Variants in WWC1 observed in about 807,000 individuals in gnomAD.
WWC1 encodes the protein WW and C2 domain containing 1.
In WWC1, 55 loss-of-function variants were observed where a neutral mutation model predicts 138.4. The observed-to-expected ratio is 0.40, with a 90% confidence interval of 0.32 to 0.50. The LOEUF is 0.50. WWC1 is among the 20% of genes least tolerant of loss of function. The probability of loss-of-function intolerance (pLI) is 0.72; values close to 1 mark genes in which losing one functional copy is unlikely to be tolerated. For synonymous variants in WWC1, 524 were observed against 564.9 expected (o/e 0.93, Z 1.03); for missense variants, 1,226 against 1,420.4 (o/e 0.86, Z 2.20).
intron 11 of WWC1, among the ~76,000 whole-genome samples, chr5:168,424,669 G>A (rs1781369743): frequency 6.6e-6 from 1 of 152,194 alleles, no homozygotes; most frequent in Non-Finnish European, 1.5e-5. Flanking sequence ...CAAGGGACTA[G>A]AAGGGGAGCC....
chr5:168,425,959 A>G (rs1781470484), intron 11 of WWC1, among the ~76,000 whole-genome samples: 1 of 152,160 alleles, frequency 6.6e-6, no homozygotes, highest in South Asian at 2.1e-4. Context: ...TCTGTCTACA[A>G]AAAGCTGGTG....
chr5:168,443,689 C>T (rs1409559008), intron 16 of WWC1, among the ~76,000 whole-genome samples: 1 of 152,188 alleles, frequency 6.6e-6, no homozygotes, highest in African/African-American at 2.4e-5. Context: ...TTCACAGTGC[C>T]TGCTATATAC....
intron 17 of WWC1, 87 bp from the exon 18 acceptor site, chr5:168,453,881 G>T: frequency 6.3e-7 from 1 of 1,577,416 alleles, no homozygotes. Flanking sequence ...CAAAAGGATT[G>T]GAAGCCCTAC....
intron 1 of WWC1, among the ~76,000 whole-genome samples, chr5:168,339,872 T>C (rs1449971061): frequency 7.2e-6 from 1 of 139,596 alleles, no homozygotes; most frequent in Non-Finnish European, 1.5e-5. Flanking sequence ...TCTCTCTCTC[T>C]CTCCCTCTCT....
chr5:168,459,030 G>T (rs1245656063), intron 19 of WWC1, among the ~76,000 whole-genome samples: 1 of 151,958 alleles, frequency 6.6e-6, no homozygotes, highest in Admixed American at 6.6e-5. Context: ...GAGATGGGAG[G>T]ATCACTTGAG....
At chr5:168,449,444 G>A (rs1488310585) in intron 17 of WWC1, among the ~76,000 whole-genome samples, 3 of 152,158 alleles carry the variant, frequency 2.0e-5, no homozygotes, top group African/African-American at 7.2e-5. Context: ...ATCTCTTTGA[G>A]CACTGTTGTG....
chr5:168,320,695 T>A (rs1040222917), intron 1 of WWC1, among the ~76,000 whole-genome samples: 1 of 152,182 alleles, frequency 6.6e-6, no homozygotes, highest in African/African-American at 2.4e-5. Flanking sequence ...CTTTCTTCTC[T>A]GCTGAGGCTT....
At chr5:168,468,441 G>A (rs1757478015) in intron 22 of WWC1, among the ~76,000 whole-genome samples, 1 of 151,908 alleles carries the variant, frequency 6.6e-6, no homozygotes, top group South Asian at 2.1e-4. Flanking sequence ...AGAGGCCCTA[G>A]CGTTTAGACT....
intron 1 of WWC1, among the ~76,000 whole-genome samples, chr5:168,363,976 A>C (rs1232131354): frequency 6.6e-6 from 1 of 152,084 alleles, no homozygotes; most frequent in East Asian, 1.9e-4. Context: ...TAAGGATTTG[A>C]GATAAAGGGT....
In WWC1 at chr5:168,298,845, A is replaced by T. The variant is rs547177877; in HGVS notation, c.119+6574A>T. Among the ~76,000 whole-genome samples the T allele has an allele frequency of 2.3e-4, 35 of 152,244 alleles. No homozygotes were observed. The South Asian group carries it at 6.9e-3, about 30-fold the overall frequency. On this transcript the variant is annotated intron_variant, in intron 1 of 22. Coordinates refer to ENST00000265293, the MANE Select transcript of WWC1 (RefSeq NM_015238.3). ...ACTCCTGTAATTTCAGCACTTTGGG[A>T]GGTCGAGGTGGGTGGATCACCTGAG... is the stretch of plus-strand genomic sequence containing the variant.
chr5:168,428,562 A>T (rs922519024), intron 12 of WWC1, 145 bp from the exon 13 acceptor site: 31 of 656,136 alleles, frequency 4.7e-5, no homozygotes, highest in Non-Finnish European at 6.5e-5. Context: ...TCTAAAAAAA[A>T]TTTTTTTTAA....
At chr5:168,315,836 G>A (rs578126619) in intron 1 of WWC1, among the ~76,000 whole-genome samples, 1 of 152,300 alleles carries the variant, frequency 6.6e-6, no homozygotes, top group South Asian at 2.1e-4. Flanking sequence ...TCTGGGGCCA[G>A]AGGGCGAGCA....
rs200618763 is a variant in WWC1 at position 168,468,963 on chromosome 5, A to G, written c.3288A>G (p.Ala1096=). 4.0e-5 allele frequency: 64 copies of G among 1,614,198 alleles called. No homozygotes were observed. The East Asian group carries it at 1.4e-3, about 35-fold the overall frequency. The stretch of plus-strand genomic sequence containing the variant: ...GCCTCTCTTATAGGGAGAAGATGGC[A>G]TTTTTCACCCGGCCTCGGATGAATA... The part of the protein sequence containing the change: ...PEVQSFREKM[A]FFTRPRMNIP... Residue 1096 remains alanine (A), a synonymous_variant, in exon 23 of 23, where the codon GCA becomes GCG. Coordinates refer to ENST00000265293, the MANE Select transcript of WWC1 (RefSeq NM_015238.3).
chr5:168,423,667 T>C lies in WWC1; in HGVS notation c.1409T>C (p.Phe470Ser). The change falls in exon 11 of 23, where the codon TTT becomes TCT. Residue 470 changes from phenylalanine (F) to serine (S), a missense_variant. Physicochemically the swap from Phe to Ser is radical, Grantham distance 155. Coordinates refer to ENST00000265293, the MANE Select transcript of WWC1 (RefSeq NM_015238.3). ...TTCACTGACCTCTACTATGACCCCT[T>C]TGAGCAGCTGGACTCAGAGCTGCAG... is the stretch of plus-strand genomic sequence containing the variant. Reference protein sequence around the residue: ...ASFTDLYYDPFEQLDSELQSK... With the variant: ...ASFTDLYYDPSEQLDSELQSK... The C allele has an allele frequency of 1.9e-6, 3 of 1,614,168 alleles. No homozygotes were observed. The highest frequency in any genetic ancestry group is 2.5e-6 in the Non-Finnish European group (3 of 1,180,022).
Position 168,363,524 on chromosome 5 carries a change from C to CAAAAA in WWC1, c.120-7881_120-7877dup, listed in dbSNP as rs386405611. Among the ~76,000 whole-genome samples, 57 of 65,590 alleles carry CAAAAA rather than the reference C, an allele frequency of 8.7e-4. 1 individual carries two copies. The highest frequency in any genetic ancestry group is 8.9e-3 in the Middle Eastern group (1 of 112). 43.0% of individuals were successfully genotyped at this position (65,590 alleles called of 152,430 possible). A position where few individuals can be genotyped will look rare whatever the true frequency, so the allele number is the denominator to read the frequency against. On this transcript the variant is annotated intron_variant, in intron 1 of 22. Transcript: ENST00000265293. The stretch of plus-strand genomic sequence containing the variant: ...TGGGTGACAGAGCCAGACTCTGTCT[C>CAAAAA]AAAAAAAAAAAAAAAAAAAAAAAGA...
intron 1 of WWC1, among the ~76,000 whole-genome samples, chr5:168,347,873 A>G (rs1317989147): frequency 1.3e-5 from 2 of 152,206 alleles, no homozygotes; most frequent in Admixed American, 1.3e-4. Flanking sequence ...TGCAGAGGTC[A>G]CTATCTCCAG....
At chr5:168,413,144 A>G (rs1028175615) in intron 8 of WWC1, among the ~76,000 whole-genome samples, 1 of 152,212 alleles carries the variant, frequency 6.6e-6, no homozygotes, top group African/African-American at 2.4e-5. Context: ...TCTGGTCTCA[A>G]CAAGTGTTGG....
intron 20 of WWC1, 44 bp from the exon 21 acceptor site, chr5:168,464,685 G>C (rs754237618): frequency 1.4e-5 from 22 of 1,611,268 alleles, no homozygotes; most frequent in Non-Finnish European, 1.8e-5. Flanking sequence ...TGGGCTCACT[G>C]GGCAGAGCTC....
chr5:168,308,158 C>T (rs1344379540), intron 1 of WWC1, among the ~76,000 whole-genome samples: 1 of 152,126 alleles, frequency 6.6e-6, no homozygotes, highest in Non-Finnish European at 1.5e-5. Context: ...TGGCTTTAGC[C>T]GTGCATGGGT....
Sources: gnomAD v4.1 joint callset for allele counts (sites outside exome capture counted in the v4.1 genomes callset) on GRCh38, gnomAD v4.1.1 for gene constraint, MANE v1.5 for transcripts, NCBI Gene and HGNC (gene_info 2026-07-23, HGNC 2026-07-21) for gene names.